The following SLC8A3 variants were observed in gnomAD, a reference collection of about 807,000 sequenced individuals.
SLC8A3 encodes the protein sodium/calcium exchanger 3.
A neutral mutation model predicts 65.4 loss-of-function variants in SLC8A3; 37 were observed. That is an observed-to-expected ratio of 0.57 (90% CI 0.44 to 0.74). SLC8A3 has a LOEUF of 0.74. Among genes scored for constraint, SLC8A3 ranks in the 30% least tolerant of loss-of-function variants. The pLI is 0.00. For synonymous variants in SLC8A3, 461 were observed against 444.5 expected (o/e 1.04, Z -0.47); for missense variants, 1,112 against 1,172.1 (o/e 0.95, Z 0.75).
At chr14:70,125,739 T>C (rs1894400276) in intron 2 of SLC8A3, among the ~76,000 whole-genome samples, 1 of 152,120 alleles carries the variant, frequency 6.6e-6, no homozygotes, top group Non-Finnish European at 1.5e-5. Flanking sequence ...TTTCAGTTCT[T>C]TGAGAAATCT....
chr14:70,089,498 G>A (rs1160267528), intron 2 of SLC8A3, among the ~76,000 whole-genome samples: 3 of 152,220 alleles, frequency 2.0e-5, no homozygotes, highest in Non-Finnish European at 4.4e-5. Context: ...CTGGGTGAAA[G>A]AGGTGGGGAT....
rs149478505 is a variant in SLC8A3, at chr14:70,167,485, C to T, written c.938G>A (p.Arg313His). ...PLEGKEVDES[R>H]REMIRILKDL... ...CTTGAGAATCCGGATCATCTCTCTGCGGGACTCATCCACTTCCTTCCCTTC... is the reference window on the plus strand; with the variant it reads ...CTTGAGAATCCGGATCATCTCTCTGTGGGACTCATCCACTTCCTTCCCTTC... The change falls in exon 2 of 7, where the codon CGC (arginine) becomes CAC (histidine). Residue 313 changes from arginine (R) to histidine (H), a missense_variant. Transcript: ENST00000356921. 1.1e-4 allele frequency: 183 copies of T among 1,613,940 alleles called. No homozygotes were observed. The highest frequency in any genetic ancestry group is 1.5e-4 in the Non-Finnish European group (174 of 1,180,018).
intron 3 of SLC8A3, chr14:70,060,373 G>A: frequency 3.5e-6 from 1 of 285,146 alleles, no homozygotes; most frequent in Non-Finnish European, 6.8e-6. Flanking sequence ...GGGGAGGAAG[G>A]CAGGAAGGGG....
chr14:70,173,814 C>T (rs959051874), intron 1 of SLC8A3, among the ~76,000 whole-genome samples: 1 of 152,164 alleles, frequency 6.6e-6, no homozygotes, highest in African/African-American at 2.4e-5. Flanking sequence ...GTCCTGTCCT[C>T]GGCAATACTC....
Position 70,045,956 on chromosome 14 carries a change from C to T in SLC8A3, c.2757G>A (p.Lys919=). 6.3e-7 allele frequency: 1 copy of T among 1,593,300 alleles called. No individual in the cohort carries two copies. Among genetic ancestry groups the T allele is most frequent in the African/African-American group, 1.3e-5 (1 of 74,582 alleles). ...FATLEAYCYI[K]GF The stretch of plus-strand genomic sequence containing the variant: ...GGCTCTGTTGTGTGGCTTAGAACCC[C>T]TTGATGTAGCAATAGGCCTCTAGTG... The change falls in exon 7 of 7, where the codon AAG becomes AAA. Residue 919 remains lysine (K), a synonymous_variant. Coordinates refer to ENST00000356921, the MANE Select transcript of SLC8A3 (RefSeq NM_182932.3).
chr14:70,075,041 T>C (rs1019088129), intron 2 of SLC8A3, among the ~76,000 whole-genome samples: 1 of 152,158 alleles, frequency 6.6e-6, no homozygotes, highest in African/African-American at 2.4e-5. Flanking sequence ...GTTTCTCTTT[T>C]GAGATTGTTA....
chr14:70,161,890 G>T (rs1222734334), intron 2 of SLC8A3, among the ~76,000 whole-genome samples: 1 of 152,266 alleles, frequency 6.6e-6, no homozygotes, highest in Non-Finnish European at 1.5e-5. Flanking sequence ...ATCCCTGGAA[G>T]GGAATGGTCT....
At position 70,089,172 on chromosome 14, in the gene SLC8A3, C is replaced by T. The variant is rs1425674708; in HGVS notation, c.1785-28233G>A. On this transcript the variant is annotated intron_variant, in intron 2 of 6. Coordinates refer to ENST00000356921, the MANE Select transcript of SLC8A3 (RefSeq NM_182932.3). ...TTTTTCTAGAATGTTGTTACTTGTT[C>T]TCTTCCTTGCCCAGTTCCACACATC... Among the ~76,000 whole-genome samples the T allele has an allele frequency of 2.0e-5, 3 of 152,274 alleles. No individual in the cohort carries two copies. The South Asian group carries it at 6.2e-4, about 32-fold the overall frequency.
At position 70,046,175 on chromosome 14, in the gene SLC8A3, C is replaced by G; in HGVS notation, c.2538G>C (p.Gln846His). ...VAAIYWALQGQEFHVSAGTLA... is the reference protein window; with the variant it reads ...VAAIYWALQGHEFHVSAGTLA... The stretch of plus-strand genomic sequence containing the variant: ...GTGTGCCGGCCGACACGTGGAACTC[C>G]TGTCCCTGCAGAGCCCAGTAGATGG... Residue 846 changes from glutamine (Q) to histidine (H), a missense_variant, in exon 7 of 7, where the codon CAG becomes CAC. Gln to His is a conservative substitution (Grantham distance 24, BLOSUM62 0). Coordinates refer to ENST00000356921, the MANE Select transcript of SLC8A3 (RefSeq NM_182932.3). The surrounding 1 kb of genome is among the most constrained non-coding windows in gnomAD (Gnocchi z 4.2). 1 of 1,614,222 alleles carries G rather than the reference C, an allele frequency of 6.2e-7. No homozygotes were observed.
chr14:70,047,648 T>G (rs956604734), intron 6 of SLC8A3: 1 of 152,244 alleles, frequency 6.6e-6, no homozygotes, highest in Non-Finnish European at 1.5e-5. Flanking sequence ...GAAGGATATG[T>G]TTGCTTGGTA....
chr14:70,080,146 C>T, intron 2 of SLC8A3: 2 of 985,508 alleles, frequency 2.0e-6, no homozygotes, highest in Non-Finnish European at 2.4e-6. Flanking sequence ...CAGTTATCGT[C>T]TGGATGCCTC....
chr14:70,144,177 C>G (rs929123570), intron 2 of SLC8A3, among the ~76,000 whole-genome samples: 4 of 152,098 alleles, frequency 2.6e-5, no homozygotes, highest in Non-Finnish European at 5.9e-5. Context: ...ACATTCTGGT[C>G]TATGGGACTG....
At chr14:70,157,737 G>A (rs1271133938) in intron 2 of SLC8A3, among the ~76,000 whole-genome samples, 1 of 152,200 alleles carries the variant, frequency 6.6e-6, no homozygotes, top group East Asian at 1.9e-4. Context: ...GTCCCAATCT[G>A]TGCTGCATCC....
Position 70,166,924 on chromosome 14 carries a change from G to A in SLC8A3, c.1499C>T (p.Pro500Leu), listed in dbSNP as rs1437176351. 3 of 1,614,048 alleles carry A rather than the reference G, an allele frequency of 1.9e-6. No individual in the cohort carries two copies. The highest frequency in any genetic ancestry group is 2.5e-6 in the Non-Finnish European group (3 of 1,180,032). ...CAAGGGAAGACTGTTGAATATTGCT[G>A]GAGGCATCCCCTCCTCTGGCTGCTC... ...EEEQPEEGMP[P>L]AIFNSLPLPR... is the part of the protein sequence containing the mutation. The change falls in exon 2 of 7, where the codon CCA becomes CTA. Residue 500 changes from proline to leucine, a missense_variant. Coordinates refer to ENST00000356921, the MANE Select transcript of SLC8A3 (RefSeq NM_182932.3).
In SLC8A3 at chr14:70,101,811, C is replaced by T. The variant is rs115111456; in HGVS notation, c.1785-40872G>A. ...CGTGAAGCAATTACTACACAATTGT[C>T]CAGCCTTTTCTCTGCAGATACTTTC... On this transcript the variant is annotated intron_variant, in intron 2 of 6. Transcript: ENST00000356921. Among the ~76,000 whole-genome samples the T allele has an allele frequency of 3.8e-3, 584 of 152,292 alleles. 5 individuals carry two copies. The highest frequency in any genetic ancestry group is 0.013 in the African/African-American group (543 of 41,556).
chr14:70,048,122 C>T (rs984437247), intron 6 of SLC8A3: 1 of 158,770 alleles, frequency 6.3e-6, no homozygotes, highest in African/African-American at 2.4e-5. Flanking sequence ...TTCTGTTTGT[C>T]TCTGAGTGTT....
chr14:70,178,024 G>A (rs964062900), intron 1 of SLC8A3, among the ~76,000 whole-genome samples: 3 of 152,168 alleles, frequency 2.0e-5, no homozygotes, highest in African/African-American at 7.2e-5. Context: ...ATCCATGTAA[G>A]TTGGAGACCA....
chr14:70,057,994 T>A (rs1888358255), intron 3 of SLC8A3, among the ~76,000 whole-genome samples: 2 of 152,196 alleles, frequency 1.3e-5, no homozygotes, highest in South Asian at 4.1e-4. Flanking sequence ...CTCTCGGAAG[T>A]CCACTTCTAG....
intron 2 of SLC8A3, among the ~76,000 whole-genome samples, chr14:70,098,865 A>G (rs1049118306): frequency 1.3e-5 from 2 of 152,344 alleles, no homozygotes. Context: ...AGTGCAGAAG[A>G]GAAAGGTTGA....
Sources: allele counts gnomAD v4.1 joint callset (sites outside exome capture counted in the v4.1 genomes callset), GRCh38; gene constraint gnomAD v4.1.1; non-coding constraint Gnocchi (gnomAD v3.1); transcripts MANE v1.5; gene names NCBI Gene and HGNC (gene_info 2026-07-23, HGNC 2026-07-21).